PLEKHA7: variants seen among roughly 807,000 people sequenced by gnomAD.
PLEKHA7 encodes the protein pleckstrin homology domain containing A7.
A neutral mutation model predicts 170.0 loss-of-function variants in PLEKHA7; 104 were observed. That is an observed-to-expected ratio of 0.61 (90% CI 0.52 to 0.72). PLEKHA7 has a LOEUF of 0.72. PLEKHA7 is among the 30% of genes least tolerant of loss of function. PLEKHA7 has a pLI of 0.00. For missense variants in PLEKHA7, 1,615 were observed against 1,671.7 expected (o/e 0.97, Z 0.59); for synonymous variants, 648 against 660.8 (o/e 0.98, Z 0.30).
At chr11:16,825,395 T>C (rs1055312382) in intron 10 of PLEKHA7, among the ~76,000 whole-genome samples, 1 of 152,240 alleles carries the variant, frequency 6.6e-6, no homozygotes, top group Non-Finnish European at 1.5e-5. Flanking sequence ...TTGGCTTTGC[T>C]ATCTCCTCTT....
intron 9 of PLEKHA7, among the ~76,000 whole-genome samples, chr11:16,827,120 T>C (rs1248925828): frequency 3.3e-5 from 5 of 152,256 alleles, no homozygotes; most frequent in African/African-American, 9.6e-5. Flanking sequence ...GGGGCTTAAA[T>C]GGAAGGCTCC....
At chr11:16,839,649 T>C (rs961024288) in intron 9 of PLEKHA7, among the ~76,000 whole-genome samples, 2 of 152,054 alleles carry the variant, frequency 1.3e-5, no homozygotes, top group South Asian at 4.1e-4. Context: ...AACAATACAG[T>C]ATAACAACTA....
chr11:17,009,312 C>G (rs1286761045), intron 3 of PLEKHA7, among the ~76,000 whole-genome samples: 1 of 151,962 alleles, frequency 6.6e-6, no homozygotes, highest in Non-Finnish European at 1.5e-5. Flanking sequence ...CTATAAGGAT[C>G]AAATAAGAAA....
intron 3 of PLEKHA7, among the ~76,000 whole-genome samples, chr11:16,907,352 C>G: frequency 7.2e-6 from 1 of 138,790 alleles, no homozygotes. Flanking sequence ...AGGAGCCCCT[C>G]TGCCCGGCCA....
At chr11:16,892,281 T>C (rs985746502) in intron 3 of PLEKHA7, among the ~76,000 whole-genome samples, 1 of 151,916 alleles carries the variant, frequency 6.6e-6, no homozygotes, top group African/African-American at 2.4e-5. Context: ...CATGAAGAAA[T>C]ATGTATGGTG....
chr11:16,931,365 C>T (rs1347021829), intron 3 of PLEKHA7, among the ~76,000 whole-genome samples: 1 of 152,092 alleles, frequency 6.6e-6, no homozygotes, highest in Non-Finnish European at 1.5e-5. Flanking sequence ...CCAGAAAGAC[C>T]TAATATACCT....
At chr11:16,888,385 G>A (rs550580889) in intron 3 of PLEKHA7, among the ~76,000 whole-genome samples, 39 of 152,416 alleles carry the variant, frequency 2.6e-4, no homozygotes, top group Middle Eastern at 6.8e-3. Flanking sequence ...TGACGATGGC[G>A]GTTTTGTTGA....
intron 4 of PLEKHA7, among the ~76,000 whole-genome samples, chr11:16,870,324 A>G (rs985306031): frequency 6.6e-6 from 1 of 151,890 alleles, no homozygotes; most frequent in Non-Finnish European, 1.5e-5. Flanking sequence ...ACACACACAC[A>G]TTTTTTAAGA....
Position 16,957,805 on chromosome 11 carries a change from G to C in PLEKHA7, c.221+56184C>G, listed in dbSNP as rs111742193. On this transcript the variant is annotated intron_variant, in intron 3 of 26. Transcript: ENST00000531066. ...TGTAACCTCCACCTCCTGGGTTCAAGCAATTCTCCTGCCTTGGCCTCCTGA... is the reference window on the plus strand; with the variant it reads ...TGTAACCTCCACCTCCTGGGTTCAACCAATTCTCCTGCCTTGGCCTCCTGA... 4.3e-3 allele frequency among the ~76,000 whole-genome samples: 617 copies of C among 144,702 alleles called. 3 individuals are homozygous for C. Among genetic ancestry groups the C allele is most frequent in the African/African-American group, 0.015 (578 of 38,894 alleles). 94.9% of individuals were successfully genotyped at this position (144,702 alleles called of 152,430 possible). A position where few individuals can be genotyped will look rare whatever the true frequency, so the allele number is the denominator to read the frequency against.
intron 4 of PLEKHA7, among the ~76,000 whole-genome samples, chr11:16,869,676 G>A (rs1287216679): frequency 6.6e-6 from 1 of 152,130 alleles, no homozygotes; most frequent in East Asian, 1.9e-4. Flanking sequence ...GAAGGTGAAG[G>A]GATAGATAAA....
chr11:17,008,009 C>T (rs1865114293), intron 3 of PLEKHA7, among the ~76,000 whole-genome samples: 1 of 152,200 alleles, frequency 6.6e-6, no homozygotes, highest in African/African-American at 2.4e-5. Flanking sequence ...TTTCATTTTA[C>T]ACTGAGGCTC....
At chr11:16,895,701 C>T (rs915162953) in intron 3 of PLEKHA7, among the ~76,000 whole-genome samples, 1 of 152,194 alleles carries the variant, frequency 6.6e-6, no homozygotes, top group Non-Finnish European at 1.5e-5. Context: ...TTGTATCAGG[C>T]CTCGTTACTA....
intron 9 of PLEKHA7, among the ~76,000 whole-genome samples, chr11:16,831,889 C>A (rs982295516): frequency 6.6e-6 from 1 of 152,192 alleles, no homozygotes; most frequent in Non-Finnish European, 1.5e-5. Context: ...TCCTCCCTTG[C>A]CCCAATTTTT....
chr11:16,975,171 C>T (rs1375377384), intron 3 of PLEKHA7, among the ~76,000 whole-genome samples: 1 of 152,126 alleles, frequency 6.6e-6, no homozygotes, highest in Non-Finnish European at 1.5e-5. Context: ...GAAATGTACC[C>T]TCTTCTAAGT....
At chr11:16,991,219 C>T (rs1864023829) in intron 3 of PLEKHA7, among the ~76,000 whole-genome samples, 1 of 151,686 alleles carries the variant, frequency 6.6e-6, no homozygotes, top group Non-Finnish European at 1.5e-5. Context: ...AGGCAGAGTC[C>T]CAAAGAGGGA....
At chr11:16,855,682 G>A (rs1853377300) in intron 5 of PLEKHA7, 121 bp downstream of exon 5, 1 of 754,474 alleles carries the variant, frequency 1.3e-6, no homozygotes, top group Non-Finnish European at 2.2e-6. Flanking sequence ...CATTTGGGGA[G>A]AACACTTCTT....
rs1406418968 is a variant in PLEKHA7, at chr11:16,856,763, A to G, written c.306-849T>C. ...GTGACAAATCCCTCCACACAAATCC[A>G]GTACCTATCCCTGGACAGCTGGATG... On this transcript the variant is annotated intron_variant, in intron 4 of 26. Transcript: ENST00000531066. 2.6e-5 allele frequency among the ~76,000 whole-genome samples: 4 copies of G among 152,308 alleles called. No homozygotes were observed. The East Asian group carries it at 7.7e-4, about 29-fold the overall frequency.
chr11:16,964,849 G>A (rs887298811), intron 3 of PLEKHA7, among the ~76,000 whole-genome samples: 5 of 152,178 alleles, frequency 3.3e-5, no homozygotes, highest in Non-Finnish European at 7.3e-5. Context: ...CGGAGTTCTA[G>A]AAGAAAACAG....
intron 13 of PLEKHA7, among the ~76,000 whole-genome samples, chr11:16,809,642 T>G (rs1849224897): frequency 6.6e-6 from 1 of 152,186 alleles, no homozygotes; most frequent in African/African-American, 2.4e-5. Context: ...CAATAAGCCT[T>G]GGGGTTTTCC....
Sources: gnomAD v4.1 joint callset for allele counts (sites outside exome capture counted in the v4.1 genomes callset) on GRCh38, gnomAD v4.1.1 for gene constraint, MANE v1.5 for transcripts, NCBI Gene and HGNC (gene_info 2026-07-23, HGNC 2026-07-21) for gene names.